Variants in NSD2 observed in about 807,000 individuals in gnomAD.
The protein encoded by NSD2 is nuclear receptor binding SET domain protein 2.
NSD2 carries 12 observed loss-of-function variants against 139.0 expected under a neutral mutation model. The observed-to-expected ratio is 0.09, with a 90% CI of 0.06 to 0.14. NSD2 has a LOEUF of 0.14. Ranked by LOEUF, NSD2 falls within the 10% of genes least tolerant of loss-of-function variation. The pLI is 1.00. For synonymous variants in NSD2, 669 were observed against 648.7 expected (o/e 1.03, Z -0.48); for missense variants, 1,155 against 1,745.0 (o/e 0.66, Z 6.02).
intron 1 of NSD2, among the ~76,000 whole-genome samples, chr4:1,881,354 C>G (rs747345820): frequency 6.6e-6 from 1 of 152,184 alleles, no homozygotes; most frequent in Admixed American, 6.5e-5. Flanking sequence ...CCTCCGCCTC[C>G]TGGGTTTACG....
intron 11 of NSD2, chr4:1,952,622 G>T: frequency 1.2e-6 from 1 of 818,680 alleles, no homozygotes. Context: ...GAACACTGAA[G>T]TCCATAGGAA....
intron 18 of NSD2, among the ~76,000 whole-genome samples, chr4:1,967,385 C>T (rs987252649): frequency 6.6e-6 from 1 of 152,186 alleles, no homozygotes; most frequent in African/African-American, 2.4e-5. Flanking sequence ...CGAGACCAGC[C>T]TGGCCAATAT....
rs1293335163 is a variant in NSD2 at position 1,939,636 on chromosome 4, A to G, written c.1757-18A>G. The G allele has an allele frequency of 6.2e-7, 1 of 1,613,630 alleles. No individual in the cohort carries two copies. Among genetic ancestry groups the G allele is most frequent in the Non-Finnish European group, 8.5e-7 (1 of 1,179,528 alleles). On this transcript the variant is annotated intron_variant, in intron 8 of 21. Transcript: ENST00000508803. ...GGGTTTATGATTTGAAACTTTACAA[A>G]CCAAAATTATTTTACAGCAACGAAA...
At chr4:1,879,957 G>A (rs1186142290) in intron 1 of NSD2, among the ~76,000 whole-genome samples, 1 of 151,994 alleles carries the variant, frequency 6.6e-6, no homozygotes, top group African/African-American at 2.4e-5. Flanking sequence ...TCCAGGTTGT[G>A]AATTTTTCAA....
chr4:1,894,215 C>G (rs1715928827), intron 1 of NSD2, among the ~76,000 whole-genome samples: 1 of 152,148 alleles, frequency 6.6e-6, no homozygotes, highest in African/African-American at 2.4e-5. Context: ...CTTCAGCCTC[C>G]CAAAGTGGTG....
chr4:1,872,587 TGTGTGAGAGAGA>T (rs1180054421), intron 1 of NSD2, among the ~76,000 whole-genome samples: 62 of 50,144 alleles, frequency 1.2e-3, no homozygotes, highest in African/African-American at 1.6e-3. Flanking sequence ...TGTGTGTGTG[TGTGTGAGAGAGA>T]GAGAGAGAGA....
At chr4:1,943,657 G>A (rs1723329370) in intron 9 of NSD2, 1 of 1,047,854 alleles carries the variant, frequency 9.5e-7, no homozygotes, top group Admixed American at 5.5e-5. Flanking sequence ...CCCAAAGATG[G>A]TCTAGGAGCA....
chr4:1,975,939 A>T (rs1229239735), intron 20 of NSD2, among the ~76,000 whole-genome samples: 1 of 152,018 alleles, frequency 6.6e-6, no homozygotes, highest in Non-Finnish European at 1.5e-5. Context: ...AAGGACAGAG[A>T]TTTGGGGGGG....
At chr4:1,975,593 C>T (rs1049723979) in intron 20 of NSD2, 193 bp downstream of exon 20, 5 of 572,554 alleles carry the variant, frequency 8.7e-6, no homozygotes, top group East Asian at 5.8e-5. Context: ...CCTCACTGAA[C>T]GTGTTTCCTG....
chr4:1,941,637 C>T, intron 9 of NSD2: 1 of 1,039,460 alleles, frequency 9.6e-7, no homozygotes, highest in Non-Finnish European at 1.2e-6. Flanking sequence ...AATACACCTT[C>T]CTACATTTTG....
intron 1 of NSD2, among the ~76,000 whole-genome samples, chr4:1,877,518 G>A (rs1450722410): frequency 2.0e-5 from 3 of 152,032 alleles, no homozygotes; most frequent in African/African-American, 7.2e-5. Flanking sequence ...CCTTTCTTCT[G>A]CCCATGTGCC....
In NSD2 at chr4:1,981,914, G is replaced by A. The variant is rs867256379; in HGVS notation, c.*3005G>A. 10 of 398,642 alleles carry A rather than the reference G, an allele frequency of 2.5e-5. No individual in the cohort carries two copies. The highest frequency in any genetic ancestry group is 1.4e-4 in the African/African-American group (7 of 48,752). 24.7% of individuals were successfully genotyped at this position (398,642 alleles called of 1,614,324 possible). ...TCACAGCCTCACCATACCCTGTTGA[G>A]GTGTGAAATGCCCCGTCAGAAATTA... is the stretch of plus-strand genomic sequence containing the variant. On this transcript the variant is annotated 3_prime_UTR_variant, in exon 22 of 22. Coordinates refer to ENST00000508803, the MANE Select transcript of NSD2 (RefSeq NM_001042424.3).
intron 18 of NSD2, among the ~76,000 whole-genome samples, chr4:1,964,869 A>G (rs921569925): frequency 6.6e-6 from 1 of 152,136 alleles, no homozygotes; most frequent in Non-Finnish European, 1.5e-5. Flanking sequence ...TACAGCTCAA[A>G]AAAGATCTGG....
chr4:1,944,847 A>G, intron 9 of NSD2: 3 of 1,063,284 alleles, frequency 2.8e-6, no homozygotes, highest in South Asian at 9.1e-5. Flanking sequence ...TACTGACTCC[A>G]GGTGTAGTTA....
intron 1 of NSD2, among the ~76,000 whole-genome samples, chr4:1,889,829 G>C (rs539895038): frequency 4.0e-4 from 60 of 151,334 alleles, no homozygotes; most frequent in Non-Finnish European, 7.5e-4. Context: ...TTTTAATTGA[G>C]ATAAAATTCA....
intron 2 of NSD2, among the ~76,000 whole-genome samples, chr4:1,902,193 C>T (rs987439954): frequency 6.6e-6 from 1 of 152,146 alleles, no homozygotes; most frequent in Admixed American, 6.5e-5. Flanking sequence ...TTAGTTCTCG[C>T]TCATGTAATG....
At chr4:1,978,000 G>A (rs1474081549) in intron 21 of NSD2, among the ~76,000 whole-genome samples, 1 of 151,282 alleles carries the variant, frequency 6.6e-6, no homozygotes, top group African/African-American at 2.4e-5. Context: ...GGTGGCGGGC[G>A]CCTGTAATCC....
At chr4:1,872,629 A>AGAGAGAGAGG (rs1553856461) in intron 1 of NSD2, among the ~76,000 whole-genome samples, 5 of 142,600 alleles carry the variant, frequency 3.5e-5, no homozygotes, top group Admixed American at 1.4e-4. Flanking sequence ...AGAGAGAGAG[A>AGAGAGAGAGG]GAGAGAGCGC....
At chr4:1,943,419 A>G in intron 9 of NSD2, 1 of 1,042,226 alleles carries the variant, frequency 9.6e-7, no homozygotes, top group Non-Finnish European at 1.2e-6. Flanking sequence ...GGTTATAATA[A>G]TAAAAATGAT....
Sources: gnomAD v4.1 joint callset for allele counts (sites outside exome capture counted in the v4.1 genomes callset) on GRCh38, gnomAD v4.1.1 for gene constraint, MANE v1.5 for transcripts, NCBI Gene and HGNC (gene_info 2026-07-23, HGNC 2026-07-21) for gene names.